MBNL2: variants seen among roughly 807,000 people sequenced by gnomAD.
MBNL2 encodes muscleblind like splicing regulator 2, also known as muscleblind-like protein 2.
Under a neutral mutation model 41.9 loss-of-function variants are expected in MBNL2, and 17 were observed. The ratio of observed to expected loss-of-function variants is 0.41; its 90% CI spans 0.28 to 0.61. MBNL2 has a LOEUF of 0.61. Ranked by LOEUF, MBNL2 falls within the 20% of genes least tolerant of loss-of-function variation. The pLI, the probability that MBNL2 is intolerant of heterozygous loss-of-function variation, is 0.35. For missense variants in MBNL2, 336 were observed against 505.6 expected (o/e 0.66, Z 3.22); for synonymous variants, 195 against 182.9 (o/e 1.07, Z -0.53).
intron 1 of MBNL2, among the ~76,000 whole-genome samples, chr13:97,235,393 C>A (rs1404853843): frequency 6.6e-6 from 1 of 152,164 alleles, no homozygotes; most frequent in African/African-American, 2.4e-5. Flanking sequence ...AGACCTCATT[C>A]AATAATTGAT....
intron 1 of MBNL2, among the ~76,000 whole-genome samples, chr13:97,228,138 TA>T (rs2041908292): frequency 6.6e-6 from 1 of 152,164 alleles, no homozygotes. Context: ...ATATCTCATA[TA>T]ATTTGAACCT....
chr13:97,220,423 G>A (rs1032502563), upstream of MBNL2, among the ~76,000 whole-genome samples: 2 of 152,176 alleles, frequency 1.3e-5, no homozygotes, highest in African/African-American at 4.8e-5. Flanking sequence ...AAAGGGAAAG[G>A]TAAGCTGAGG....
chr13:97,356,827 C>T lies in MBNL2; in HGVS notation c.836C>T (p.Pro279Leu). 1 of 1,362,832 alleles carries T rather than the reference C, an allele frequency of 7.3e-7. No homozygotes were observed. Among genetic ancestry groups the T allele is most frequent in the Admixed American group, 1.9e-5 (1 of 52,406 alleles). 84.4% of individuals were successfully genotyped at this position (1,362,832 alleles called of 1,614,324 possible). A position where few individuals can be genotyped will look rare whatever the true frequency, so the allele number is the denominator to read the frequency against. The part of the protein sequence containing the change: ...TQSTAKAMKR[P>L]LEATVDLAFP... The stretch of plus-strand genomic sequence containing the variant: ...TCGACTGCCAAAGCAATGAAGCGAC[C>T]TCTCGAAGCAACTGTAGACCTGGTA... The change falls in exon 6 of 9, where the codon CCT (proline) becomes CTT (leucine). Residue 279 changes from proline (P) to leucine (L), a missense_variant. Physicochemically the swap from Pro to Leu is moderately conservative, Grantham distance 98. Transcript: ENST00000679496.
intron 1 of MBNL2, among the ~76,000 whole-genome samples, chr13:97,262,352 C>CT (rs1254202011): frequency 3.9e-5 from 6 of 152,352 alleles, no homozygotes; most frequent in Non-Finnish European, 7.3e-5. Flanking sequence ...ATGCCTTGAT[C>CT]TCTCCGTGGC....
intron 4 of MBNL2, 151 bp downstream of exon 4, chr13:97,343,367 T>G (rs567133309): frequency 1.6e-6 from 1 of 623,464 alleles, no homozygotes; most frequent in East Asian, 2.9e-5. Context: ...TATTCATAAC[T>G]CTGTGGTTTG....
Position 97,240,338 on chromosome 13 carries a change from C to T in MBNL2, c.-605+17807C>T, listed in dbSNP as rs1439851214. 5.3e-5 allele frequency among the ~76,000 whole-genome samples: 8 copies of T among 152,322 alleles called. No individual in the cohort carries two copies. In the East Asian group the frequency reaches 1.4e-3, roughly 26 times the overall value. ...TGACATCGATTTGAATCTCAGTTTT[C>T]TTATCTTTAAAATGGGAGTAATAAT... On this transcript the variant is annotated intron_variant, in intron 1 of 8. Coordinates refer to ENST00000679496, the MANE Select transcript of MBNL2 (RefSeq NM_001382683.1).
intron 1 of MBNL2, among the ~76,000 whole-genome samples, chr13:97,251,612 A>G (rs1244000670): frequency 6.6e-6 from 1 of 152,170 alleles, no homozygotes; most frequent in Admixed American, 6.5e-5. Flanking sequence ...ATTGTTTTGT[A>G]TTGTTAGAAG....
chr13:97,359,452 A>G (rs1358556140), intron 7 of MBNL2, among the ~76,000 whole-genome samples: 2 of 152,186 alleles, frequency 1.3e-5, no homozygotes, highest in African/African-American at 4.8e-5. Context: ...CAAACCCAAC[A>G]ATGACTGATT....
intron 2 of MBNL2, among the ~76,000 whole-genome samples, chr13:97,299,490 A>G (rs1040698167): frequency 6.6e-6 from 1 of 152,210 alleles, no homozygotes; most frequent in Non-Finnish European, 1.5e-5. Context: ...CAACTCAACC[A>G]TTCCATTTCT....
chr13:97,313,326 C>A (rs9582123), intron 2 of MBNL2, among the ~76,000 whole-genome samples: 6,043 of 152,230 alleles, frequency 0.04, 374 homozygotes, highest in African/African-American at 0.14. Context: ...CCCTGCTTTT[C>A]TTTTCCATGC....
chr13:97,384,645 G>C (rs1462029036), intron 8 of MBNL2, among the ~76,000 whole-genome samples: 1 of 152,242 alleles, frequency 6.6e-6, no homozygotes, highest in African/African-American at 2.4e-5. Flanking sequence ...AAGAAACACA[G>C]ACTGGGAGGG....
chr13:97,276,278 A>G lies in MBNL2; in HGVS notation c.43A>G (p.Thr15Ala), dbSNP rs1395179079. The G allele has an allele frequency of 6.2e-7, 1 of 1,613,942 alleles. No individual in the cohort carries two copies. The change falls in exon 2 of 9, where the codon ACA becomes GCA. Residue 15 changes from threonine to alanine, a missense_variant. By Grantham distance (58) the Thr-to-Ala change is moderately conservative. Coordinates refer to ENST00000679496, the MANE Select transcript of MBNL2 (RefSeq NM_001382683.1). ...CCCAGTCAGAGATACAAAATGGCTG[A>G]CATTAGAAGTCTGCAGACAGTTTCA... is the stretch of plus-strand genomic sequence containing the variant. The part of the protein sequence containing the change: ...VAPVRDTKWL[T>A]LEVCRQFQRG...
chr13:97,352,053 TAAATAAA>T (rs1566435644), intron 5 of MBNL2, among the ~76,000 whole-genome samples: 2 of 134,620 alleles, frequency 1.5e-5, no homozygotes, highest in Non-Finnish European at 1.5e-5. Context: ...AATAAATAAA[TAAATAAA>T]TAATAAATAA....
chr13:97,279,522 A>G (rs1214702355), intron 2 of MBNL2, among the ~76,000 whole-genome samples: 1 of 152,232 alleles, frequency 6.6e-6, no homozygotes, highest in Non-Finnish European at 1.5e-5. Context: ...CTTGTGCCCA[A>G]TTCTTAACAA....
chr13:97,244,152 T>C (rs1024688760), intron 1 of MBNL2, among the ~76,000 whole-genome samples: 3 of 152,250 alleles, frequency 2.0e-5, no homozygotes, highest in Non-Finnish European at 4.4e-5. Context: ...GATTAGGTCA[T>C]AGACATGCTT....
chr13:97,312,940 A>G (rs879830976), intron 2 of MBNL2, among the ~76,000 whole-genome samples: 4 of 152,222 alleles, frequency 2.6e-5, no homozygotes, highest in Non-Finnish European at 5.9e-5. Context: ...TACTTGTAAG[A>G]CAGTATTTAT....
intron 3 of MBNL2, among the ~76,000 whole-genome samples, chr13:97,335,458 C>G (rs2060798128): frequency 6.6e-6 from 1 of 151,920 alleles, no homozygotes; most frequent in African/African-American, 2.4e-5. Context: ...TGTTGTGTTC[C>G]CTGTGAGATG....
At chr13:97,259,725 G>T (rs544938539) in intron 1 of MBNL2, among the ~76,000 whole-genome samples, 5 of 152,274 alleles carry the variant, frequency 3.3e-5, no homozygotes, top group East Asian at 1.9e-4. Context: ...TCTAGAAATT[G>T]TTGGGGCCTC....
chr13:97,379,781 T>C (rs2065269902), intron 8 of MBNL2, among the ~76,000 whole-genome samples: 1 of 152,176 alleles, frequency 6.6e-6, no homozygotes, highest in Non-Finnish European at 1.5e-5. Context: ...GGGGCAGGTT[T>C]CATTTGGAAT....
Sources: allele counts gnomAD v4.1 joint callset (sites outside exome capture counted in the v4.1 genomes callset), GRCh38; gene constraint gnomAD v4.1.1; transcripts MANE v1.5; gene names NCBI Gene and HGNC (gene_info 2026-07-23, HGNC 2026-07-21).